Variants in TENM2 observed in about 807,000 individuals in gnomAD.
TENM2 encodes the protein teneurin-2.
TENM2 carries 52 observed loss-of-function variants against 245.2 expected under a neutral mutation model. The observed-to-expected ratio is 0.21, with a 90% CI of 0.17 to 0.27. The LOEUF (loss-of-function observed/expected upper bound fraction) is 0.27. TENM2 is among the 10% of genes least tolerant of loss of function. The probability of loss-of-function intolerance (pLI) is 1.00; values close to 1 mark genes in which losing one functional copy is unlikely to be tolerated. For missense variants in TENM2, 3,046 were observed against 3,666.8 expected (o/e 0.83, Z 4.37); for synonymous variants, 1,363 against 1,438.9 (o/e 0.95, Z 1.19).
chr5:167,682,037 CCTTT>C (rs1236836521), intron 2 of TENM2, among the ~76,000 whole-genome samples: 7 of 151,794 alleles, frequency 4.6e-5, no homozygotes, highest in Admixed American at 1.3e-4. Flanking sequence ...TTCCTTCCTT[CCTTT>C]CTCCTTCCCT....
At chr5:167,964,268 A>T (rs1467100913) in intron 4 of TENM2, among the ~76,000 whole-genome samples, 1 of 152,160 alleles carries the variant, frequency 6.6e-6, no homozygotes, top group East Asian at 1.9e-4. Context: ...ACAGAACCTA[A>T]CTTTTCTTCC....
Position 168,247,657 on chromosome 5 carries a change from A to G in TENM2, c.6718A>G (p.Ser2240Gly). ...TCTCCACTTACTGAACCCAGGCAACAGTGTGCGCCTCATGCCCTTGCGCTA... is the reference window on the plus strand; with the variant it reads ...TCTCCACTTACTGAACCCAGGCAACGGTGTGCGCCTCATGCCCTTGCGCTA... Residue 2240 changes from serine (S) to glycine (G), a missense_variant, in exon 27 of 29, where the codon AGT becomes GGT. Ser to Gly is a moderately conservative substitution (Grantham distance 56). Coordinates refer to ENST00000518659, the Ensembl canonical transcript of TENM2. This position sits in a 1 kb window ranked among gnomAD's most constrained non-coding sequence, Gnocchi z 7.8. 6.2e-7 allele frequency: 1 copy of G among 1,613,932 alleles called. No individual in the cohort carries two copies. The highest frequency in any genetic ancestry group is 8.5e-7 in the Non-Finnish European group (1 of 1,179,900).
At chr5:167,956,372 C>T (rs868358957) in intron 4 of TENM2, among the ~76,000 whole-genome samples, 17 of 152,086 alleles carry the variant, frequency 1.1e-4, no homozygotes, top group African/African-American at 3.6e-4. Flanking sequence ...GATTTTTGGG[C>T]AGAGATGATG....
At chr5:168,170,543 G>A (rs1758717509) in intron 13 of TENM2, among the ~76,000 whole-genome samples, 1 of 152,028 alleles carries the variant, frequency 6.6e-6, no homozygotes, top group Admixed American at 6.6e-5. Context: ...AGGAGGGAGG[G>A]AGGAAGGAAG....
At chr5:167,953,222 G>T (rs943101537) in intron 4 of TENM2, among the ~76,000 whole-genome samples, 1 of 152,172 alleles carries the variant, frequency 6.6e-6, no homozygotes, top group African/African-American at 2.4e-5. Flanking sequence ...TGTTTGGGGA[G>T]ACCTTGAGAA....
intron 4 of TENM2, among the ~76,000 whole-genome samples, chr5:167,985,374 G>C (rs563305817): frequency 5.8e-4 from 88 of 152,226 alleles, no homozygotes; most frequent in African/African-American, 2.1e-3. Context: ...CAATTTTCTC[G>C]GTAGAACAAC....
chr5:168,047,601 C>A (rs1788717979), intron 6 of TENM2, 52 bp downstream of exon 8: 8 of 1,532,774 alleles, frequency 5.2e-6, no homozygotes, highest in Non-Finnish European at 7.0e-6. Context: ...AAATTCTGAG[C>A]TCTCGCCAGC....
rs1324327139 is a variant in TENM2, at chr5:167,527,374, A to G, written c.502+151901A>G. Among the ~76,000 whole-genome samples the G allele has an allele frequency of 2.6e-5, 4 of 152,130 alleles. No individual in the cohort carries two copies. The East Asian group carries it at 7.7e-4, about 29-fold the overall frequency. On this transcript the variant is annotated intron_variant, in intron 2 of 28. Coordinates refer to ENST00000518659, the Ensembl canonical transcript of TENM2. ...ATGTGTACAGGATATCAAATATTTG[A>G]ACAACCAGAATTTCATGCTATGATT...
Position 168,195,155 on chromosome 5 carries a change from C to G in TENM2, c.2781-21C>G, listed in dbSNP as rs778471562. On this transcript the variant is annotated intron_variant, in intron 14 of 28. Coordinates refer to ENST00000518659, the Ensembl canonical transcript of TENM2. ...GTTCTCCTGCATGTGGCTCAAAGAC[C>G]TCTGTTTCTGTCTTTCTCAGCTTGG... is the stretch of plus-strand genomic sequence containing the variant. 7.4e-5 allele frequency: 116 copies of G among 1,573,706 alleles called. No individual in the cohort carries two copies. In the East Asian group the frequency reaches 2.6e-3, roughly 36 times the overall value.
chr5:167,148,831 T>A, the TENM2 span, among the ~76,000 whole-genome samples: 2 of 152,174 alleles, frequency 1.3e-5, no homozygotes, highest in Non-Finnish European at 2.9e-5. Flanking sequence ...GACCATAGTA[T>A]GTGCTCAATA....
intron 25 of TENM2, among the ~76,000 whole-genome samples, chr5:168,239,302 A>T (rs1190934428): frequency 6.6e-6 from 1 of 152,192 alleles, no homozygotes; most frequent in African/African-American, 2.4e-5. Flanking sequence ...TATTAGAAGG[A>T]TTGGGCATTT....
At chr5:167,964,547 A>G (rs1348437658) in intron 4 of TENM2, among the ~76,000 whole-genome samples, 1 of 152,242 alleles carries the variant, frequency 6.6e-6, no homozygotes, top group Admixed American at 6.5e-5. Flanking sequence ...GAGAAAAACA[A>G]AACCTCTGTC....
intron 2 of TENM2, among the ~76,000 whole-genome samples, chr5:167,591,720 G>A (rs1775888488): frequency 6.6e-6 from 1 of 152,168 alleles, no homozygotes; most frequent in Non-Finnish European, 1.5e-5. Context: ...TCCTGCAGGG[G>A]CTTGTGTACC....
chr5:167,822,605 A>G (rs765092914), intron 2 of TENM2, among the ~76,000 whole-genome samples: 1 of 152,252 alleles, frequency 6.6e-6, no homozygotes, highest in Non-Finnish European at 1.5e-5. Flanking sequence ...TAGTTTCAGA[A>G]TATATGTTCT....
chr5:167,323,802 A>T (rs1346549381), intron 1 of TENM2, among the ~76,000 whole-genome samples: 1 of 152,226 alleles, frequency 6.6e-6, no homozygotes, highest in Non-Finnish European at 1.5e-5. Flanking sequence ...GGAAAATGAT[A>T]GGATTCAAAA....
chr5:167,536,218 T>C (rs896011873), intron 2 of TENM2, among the ~76,000 whole-genome samples: 2 of 151,984 alleles, frequency 1.3e-5, no homozygotes, highest in African/African-American at 4.8e-5. Flanking sequence ...AGCTATAATA[T>C]ACAAAATTTT....
intron 4 of TENM2, among the ~76,000 whole-genome samples, chr5:167,983,054 G>A (rs182582268): frequency 1.5e-3 from 234 of 151,992 alleles, no homozygotes; most frequent in African/African-American, 5.2e-3. Context: ...AGTGCATAGC[G>A]AATTCAAGGT....
chr5:167,612,261 TTAC>T (rs1405244159), intron 2 of TENM2, among the ~76,000 whole-genome samples: 2 of 152,078 alleles, frequency 1.3e-5, no homozygotes, highest in African/African-American at 4.8e-5. Flanking sequence ...CACCCCTTCA[TTAC>T]TAACCTTATA....
the TENM2 span, among the ~76,000 whole-genome samples, chr5:167,222,863 C>T: frequency 9.2e-5 from 14 of 152,050 alleles, no homozygotes; most frequent in Non-Finnish European, 1.8e-4. Flanking sequence ...ATGAAAAATG[C>T]AGATATATGA....
Sources: allele counts gnomAD v4.1 joint callset (sites outside exome capture counted in the v4.1 genomes callset), GRCh38; gene constraint gnomAD v4.1.1; non-coding constraint Gnocchi (gnomAD v3.1); transcripts MANE v1.5; gene names NCBI Gene and HGNC (gene_info 2026-07-23, HGNC 2026-07-21).